The following PTPRQ variants were observed in gnomAD, a reference collection of about 807,000 sequenced individuals.
The protein encoded by PTPRQ is protein tyrosine phosphatase receptor type Q, also known as phosphatidylinositol phosphatase PTPRQ.
Under a neutral mutation model 246.0 loss-of-function variants are expected in PTPRQ, and 199 were observed. The ratio of observed to expected loss-of-function variants is 0.81; its 90% CI spans 0.72 to 0.91. The LOEUF is 0.91. Among genes scored for constraint, PTPRQ ranks in the 40% least tolerant of loss-of-function variants. PTPRQ has a pLI of 0.00. For synonymous variants in PTPRQ, 869 were observed against 853.2 expected (o/e 1.02, Z -0.32); for missense variants, 2,624 against 2,528.4 (o/e 1.04, Z -0.81).
intron 17 of PTPRQ, among the ~76,000 whole-genome samples, chr12:80,518,351 G>T (rs2120744245): frequency 6.6e-6 from 1 of 152,208 alleles, no homozygotes; most frequent in East Asian, 1.9e-4. Flanking sequence ...TTCCTGTAGA[G>T]TTGTTTGAGC....
chr12:80,552,632 TAA>T (rs67006550), intron 25 of PTPRQ, among the ~76,000 whole-genome samples: 18 of 88,434 alleles, frequency 2.0e-4, no homozygotes, highest in East Asian at 8.5e-4. Flanking sequence ...CAGGTCTTTG[TAA>T]AAAAAAAAAA....
chr12:80,471,054 A>G (rs73145124), intron 7 of PTPRQ, among the ~76,000 whole-genome samples: 35,405 of 152,052 alleles, frequency 0.23, 4,295 homozygotes, highest in Middle Eastern at 0.29. Flanking sequence ...CTAGACCATG[A>G]AAGTAAATGA....
At chr12:80,543,277 T>C (rs1434525597) in intron 23 of PTPRQ, among the ~76,000 whole-genome samples, 2 of 152,120 alleles carry the variant, frequency 1.3e-5, no homozygotes, top group Non-Finnish European at 2.9e-5. Context: ...TCTGGACTTC[T>C]GGTCATCTTT....
chr12:80,505,314 A>T (rs1231291317), intron 14 of PTPRQ, among the ~76,000 whole-genome samples: 1 of 151,856 alleles, frequency 6.6e-6, no homozygotes, highest in Non-Finnish European at 1.5e-5. Context: ...CTTTCTTTTC[A>T]GCACCACAAC....
At chr12:80,638,590 T>C (rs903616202) in intron 35 of PTPRQ, among the ~76,000 whole-genome samples, 2 of 152,202 alleles carry the variant, frequency 1.3e-5, no homozygotes, top group African/African-American at 4.8e-5. Flanking sequence ...TCTCTGCCTG[T>C]ATATTTACAC....
intron 7 of PTPRQ, among the ~76,000 whole-genome samples, chr12:80,471,301 T>C (rs73345980): frequency 0.11 from 16,319 of 151,654 alleles, 1,642 homozygotes; most frequent in African/African-American, 0.26. Flanking sequence ...ACAAAAACAG[T>C]GTTCTCAGGA....
chr12:80,661,575 A>G (rs965653898), intron 39 of PTPRQ, among the ~76,000 whole-genome samples: 7 of 151,736 alleles, frequency 4.6e-5, no homozygotes, highest in African/African-American at 1.7e-4. Flanking sequence ...ATAGGCATAT[A>G]CAAATATATC....
At position 80,647,707 on chromosome 12, in the gene PTPRQ, G is replaced by A. The variant is rs182754898; in HGVS notation, c.5916-1190G>A. ...CATCTCCATATCCATCTAGAATAAGGAATTCTTTCTTGCTTTCTTTAAATC... is the reference window on the plus strand; with the variant it reads ...CATCTCCATATCCATCTAGAATAAGAAATTCTTTCTTGCTTTCTTTAAATC... On this transcript the variant is annotated intron_variant, in intron 35 of 44. Transcript: ENST00000644991. Among the ~76,000 whole-genome samples the A allele has an allele frequency of 5.9e-5, 9 of 152,070 alleles. No individual in the cohort carries two copies. In the East Asian group the frequency reaches 1.5e-3, roughly 26 times the overall value.
At chr12:80,483,076 C>T (rs1342328171) in intron 8 of PTPRQ, among the ~76,000 whole-genome samples, 4 of 123,786 alleles carry the variant, frequency 3.2e-5, no homozygotes, top group African/African-American at 1.0e-4. Flanking sequence ...CACATGCACA[C>T]GTATGTTTAT....
intron 26 of PTPRQ, among the ~76,000 whole-genome samples, chr12:80,592,481 T>C (rs1013864732): frequency 2.0e-5 from 3 of 152,094 alleles, no homozygotes; most frequent in African/African-American, 7.2e-5. Flanking sequence ...TATGGGGAAC[T>C]GCATATATTA....
chr12:80,648,652 C>T (rs967287771), intron 35 of PTPRQ, among the ~76,000 whole-genome samples: 3 of 152,064 alleles, frequency 2.0e-5, no homozygotes, highest in Non-Finnish European at 1.5e-5. Context: ...TTTATAATGA[C>T]ATTTATAATA....
In PTPRQ at chr12:80,649,615, A is replaced by G. The variant is rs111813340; in HGVS notation, c.5970A>G (p.Gln1990=). 43 of 1,550,054 alleles carry G rather than the reference A, an allele frequency of 2.8e-5. 1 individual carries two copies. The highest frequency in any genetic ancestry group is 2.3e-4 in the African/African-American group (17 of 73,100). The change falls in exon 37 of 45, where the codon CAA becomes CAG. Residue 1990 remains glutamine, a synonymous_variant. Transcript: ENST00000644991. ...CAATAAGCAAGAAATCCTTCCTGCA[A>G]CATGTTGAAGAGCTTTGCACAAACA... ...IKPISKKSFL[Q]HVEELCTNNN...
intron 37 of PTPRQ, among the ~76,000 whole-genome samples, chr12:80,651,990 T>C (rs926509268): frequency 6.6e-6 from 1 of 152,136 alleles, no homozygotes; most frequent in Non-Finnish European, 1.5e-5. Context: ...TGAAAAATTG[T>C]TAAAACACAT....
chr12:80,450,109 A>T (rs1892702188), intron 3 of PTPRQ, among the ~76,000 whole-genome samples: 1 of 151,892 alleles, frequency 6.6e-6, no homozygotes, highest in Non-Finnish European at 1.5e-5. Context: ...TGTAAGGTGG[A>T]TTCCTAGGTA....
chr12:80,570,728 T>A (rs780814966), intron 25 of PTPRQ, among the ~76,000 whole-genome samples: 33 of 152,238 alleles, frequency 2.2e-4, no homozygotes, highest in Admixed American at 7.2e-4. Flanking sequence ...GTTTTACATT[T>A]AAGTCTTTAA....
chr12:80,527,309 AC>A (rs1474539753), intron 17 of PTPRQ, among the ~76,000 whole-genome samples: 1 of 152,136 alleles, frequency 6.6e-6, no homozygotes, highest in Non-Finnish European at 1.5e-5. Context: ...AATTTAATTT[AC>A]ACCAAAGTTA....
At chr12:80,564,166 T>G (rs1478184299) in intron 25 of PTPRQ, among the ~76,000 whole-genome samples, 1 of 152,304 alleles carries the variant, frequency 6.6e-6, no homozygotes, top group Non-Finnish European at 1.5e-5. Flanking sequence ...TATGTATACA[T>G]GTGCCATGCT....
intron 25 of PTPRQ, among the ~76,000 whole-genome samples, chr12:80,556,177 G>A (rs760656294): frequency 6.6e-6 from 1 of 152,026 alleles, no homozygotes; most frequent in Non-Finnish European, 1.5e-5. Context: ...ACAGGCCTGT[G>A]CCACCACACC....
intron 8 of PTPRQ, among the ~76,000 whole-genome samples, chr12:80,475,638 T>C (rs184707063): frequency 1.3e-5 from 2 of 152,134 alleles, no homozygotes; most frequent in Non-Finnish European, 1.5e-5. Flanking sequence ...TCCATTTCCT[T>C]TATCCCCTAA....
Sources: gnomAD v4.1 joint callset for allele counts (sites outside exome capture counted in the v4.1 genomes callset) on GRCh38, gnomAD v4.1.1 for gene constraint, MANE v1.5 for transcripts, NCBI Gene and HGNC (gene_info 2026-07-23, HGNC 2026-07-21) for gene names.